LMBR1: variants seen among roughly 807,000 people sequenced by gnomAD.
The protein encoded by LMBR1 is limb region 1 protein homolog.
A neutral mutation model predicts 73.9 loss-of-function variants in LMBR1; 52 were observed. That is an observed-to-expected ratio of 0.70 (90% CI 0.56 to 0.89). The LOEUF is 0.89. Among genes scored for constraint, LMBR1 ranks in the 40% least tolerant of loss-of-function variants. The pLI, the probability that LMBR1 is intolerant of heterozygous loss-of-function variation, is 0.00. For synonymous variants in LMBR1, 215 were observed against 209.4 expected (o/e 1.03, Z -0.23); for missense variants, 539 against 579.8 (o/e 0.93, Z 0.72).
At chr7:156,874,817 C>T (rs1381165940) in intron 1 of LMBR1, among the ~76,000 whole-genome samples, 3 of 152,222 alleles carry the variant, frequency 2.0e-5, no homozygotes, top group African/African-American at 7.2e-5. Flanking sequence ...CCTAGACCTT[C>T]CCTCTGACAT....
intron 15 of LMBR1, among the ~76,000 whole-genome samples, chr7:156,698,766 C>T (rs960211085): frequency 3.3e-5 from 5 of 152,144 alleles, no homozygotes; most frequent in African/African-American, 9.7e-5. Flanking sequence ...GAGGGGCTGC[C>T]GTAAAGGTTT....
At chr7:156,767,703 A>G (rs917640762) in intron 5 of LMBR1, among the ~76,000 whole-genome samples, 2 of 151,944 alleles carry the variant, frequency 1.3e-5, no homozygotes, top group Non-Finnish European at 2.9e-5. Flanking sequence ...AATATAGTAA[A>G]AAACAGAAAA....
At position 156,728,716 on chromosome 7, in the gene LMBR1, C is replaced by T. The variant is rs140806590; in HGVS notation, c.843G>A (p.Arg281=). 1,711 of 1,596,162 alleles carry T rather than the reference C, an allele frequency of 1.1e-3. 1 individual carries two copies. Among genetic ancestry groups the T allele is most frequent in the Non-Finnish European group, 1.4e-3 (1,618 of 1,173,846 alleles). The change falls in exon 11 of 17, where the codon AGG becomes AGA. Residue 281 remains arginine, a synonymous_variant. Transcript: ENST00000353442. The stretch of plus-strand genomic sequence containing the variant: ...TTTCCCATGCTGAAGCCTTTTTTCG[C>T]CTCTCTATTAAAAGGAAAAACAAAA... ...NVKTLKTKLE[R]RKKASAWERN...
intron 1 of LMBR1, among the ~76,000 whole-genome samples, chr7:156,855,206 G>A (rs890617086): frequency 6.6e-6 from 1 of 152,142 alleles, no homozygotes; most frequent in African/African-American, 2.4e-5. Context: ...GCAAAGACAT[G>A]GAAATGTTAA....
At chr7:156,719,699 A>C (rs2132306527) in intron 15 of LMBR1, among the ~76,000 whole-genome samples, 1 of 152,230 alleles carries the variant, frequency 6.6e-6, no homozygotes, top group East Asian at 1.9e-4. Context: ...CCTGACTTCA[A>C]ACTATACTAC....
At chr7:156,879,461 G>A (rs186603790) in intron 1 of LMBR1, among the ~76,000 whole-genome samples, 46 of 152,176 alleles carry the variant, frequency 3.0e-4, no homozygotes, top group African/African-American at 9.4e-4. Flanking sequence ...TCAGGAGATC[G>A]AGACCATCCT....
chr7:156,724,935 C>T (rs568341171), intron 14 of LMBR1, among the ~76,000 whole-genome samples: 7 of 152,202 alleles, frequency 4.6e-5, no homozygotes, highest in Non-Finnish European at 7.4e-5. Context: ...TCACTATATA[C>T]GGCAACAGCC....
At chr7:156,873,152 G>A (rs374226957) in intron 1 of LMBR1, among the ~76,000 whole-genome samples, 268 of 152,240 alleles carry the variant, frequency 1.8e-3, no homozygotes, top group Non-Finnish European at 3.1e-3. Context: ...TTAAGGTGGC[G>A]CGTCTGGAGT....
At chr7:156,675,132 G>A (rs1332900765), downstream of LMBR1, among the ~76,000 whole-genome samples, 1 of 152,092 alleles carries the variant, frequency 6.6e-6, no homozygotes, top group Non-Finnish European at 1.5e-5. Flanking sequence ...AAGAGGCAGC[G>A]GCGACCCGAA....
At chr7:156,702,844 A>C (rs1332903640) in intron 15 of LMBR1, among the ~76,000 whole-genome samples, 1 of 152,248 alleles carries the variant, frequency 6.6e-6, no homozygotes, top group Non-Finnish European at 1.5e-5. Flanking sequence ...AACTGCCAAA[A>C]TCTGGAAGCA....
At position 156,684,064 on chromosome 7, in the gene LMBR1, G is replaced by A. The variant is rs202160606; in HGVS notation, c.*14C>T. On this transcript the variant is annotated 3_prime_UTR_variant, in exon 17 of 17. Transcript: ENST00000353442. ...CTCGGGTCTCTTGGTGGCAGAAGAC[G>A]CCGTCTGTGCGTCTCACAGTGCTTT... 1.8e-5 allele frequency: 29 copies of A among 1,604,328 alleles called. No homozygotes were observed. Among genetic ancestry groups the A allele is most frequent in the African/African-American group, 8.0e-5 (6 of 74,800 alleles).
At chr7:156,720,310 G>T (rs893349389) in intron 15 of LMBR1, among the ~76,000 whole-genome samples, 8 of 152,112 alleles carry the variant, frequency 5.3e-5, no homozygotes, top group Admixed American at 4.6e-4. Context: ...GGTCCTAAAG[G>T]AAATTATTTT....
At chr7:156,791,650 G>A (rs953521273) in intron 5 of LMBR1, among the ~76,000 whole-genome samples, 11 of 152,116 alleles carry the variant, frequency 7.2e-5, no homozygotes, top group African/African-American at 2.7e-4. Context: ...GCTTCCACCT[G>A]GTCAGTCCAA....
At chr7:156,718,670 G>A (rs1342646418) in intron 15 of LMBR1, among the ~76,000 whole-genome samples, 1 of 152,254 alleles carries the variant, frequency 6.6e-6, no homozygotes, top group South Asian at 2.1e-4. Context: ...CCAGGAAGTT[G>A]AGGCTGCAGT....
chr7:156,680,172 G>T lies in LMBR1; in HGVS notation c.*3906C>A, dbSNP rs1288615477. ...CCAAAAAAAAAAAAAACTCCAAAAAGGTCTTTGTATTATTTCTTCTTTTAA... is the reference window on the plus strand; with the variant it reads ...CCAAAAAAAAAAAAAACTCCAAAAATGTCTTTGTATTATTTCTTCTTTTAA... On this transcript the variant is annotated 3_prime_UTR_variant, in exon 17 of 17. Transcript: ENST00000353442. 6.6e-6 allele frequency: 1 copy of T among 150,692 alleles called. No individual in the cohort carries two copies. Among genetic ancestry groups the T allele is most frequent in the Non-Finnish European group, 1.5e-5 (1 of 67,722 alleles). 9.3% of individuals were successfully genotyped at this position (150,692 alleles called of 1,614,324 possible).
intron 1 of LMBR1, among the ~76,000 whole-genome samples, chr7:156,879,524 C>T (rs895145044): frequency 2.0e-5 from 3 of 151,938 alleles, no homozygotes; most frequent in Non-Finnish European, 2.9e-5. Context: ...ATTAGCCAGG[C>T]GTGGTGGCAG....
In LMBR1 at chr7:156,893,160, A is replaced by G. The variant is rs1005002377; in HGVS notation, c.-167T>C. 7.5e-6 allele frequency: 4 copies of G among 534,734 alleles called. No individual in the cohort carries two copies. The highest frequency in any genetic ancestry group is 5.7e-6 in the Non-Finnish European group (2 of 348,826). The allele number at this position is 534,734 out of a possible 1,614,324, so 33.1% of individuals were successfully genotyped here. On this transcript the variant is annotated 5_prime_UTR_variant, in exon 1 of 17. Transcript: ENST00000353442. ...CCACGACACCGGCCGTCGCCTCAGCAGCCTCAGACGAGCAGCTCTGACTAA... is the reference window on the plus strand; with the variant it reads ...CCACGACACCGGCCGTCGCCTCAGCGGCCTCAGACGAGCAGCTCTGACTAA...
chr7:156,819,407 T>C (rs773100133), intron 4 of LMBR1, among the ~76,000 whole-genome samples: 11 of 152,228 alleles, frequency 7.2e-5, no homozygotes, highest in Non-Finnish European at 1.6e-4. Context: ...AAATAAGCCA[T>C]TAAATTTCCT....
intron 9 of LMBR1, among the ~76,000 whole-genome samples, chr7:156,744,841 G>A (rs1819561548): frequency 6.6e-6 from 1 of 152,150 alleles, no homozygotes; most frequent in Non-Finnish European, 1.5e-5. Flanking sequence ...AGACTCTAGG[G>A]GAGAAATCAT....
Sources: allele counts gnomAD v4.1 joint callset (sites outside exome capture counted in the v4.1 genomes callset), GRCh38; gene constraint gnomAD v4.1.1; transcripts MANE v1.5; gene names NCBI Gene and HGNC (gene_info 2026-07-23, HGNC 2026-07-21).